Variants in YJU2 observed in about 807,000 individuals in gnomAD.
YJU2 encodes the protein YJU2 splicing factor homolog.
YJU2 carries 28 observed loss-of-function variants against 39.6 expected under a neutral mutation model. That is an observed-to-expected ratio of 0.71 (90% CI 0.52 to 0.97). The LOEUF (loss-of-function observed/expected upper bound fraction) is 0.97, where lower values mean the gene tolerates loss of function less well. Among genes scored for constraint, YJU2 ranks in the 50% least tolerant of loss-of-function variants. The pLI, the probability that YJU2 is intolerant of heterozygous loss-of-function variation, is 0.00. For synonymous variants in YJU2, 184 were observed against 182.4 expected (o/e 1.01, Z -0.07); for missense variants, 328 against 430.4 (o/e 0.76, Z 2.11).
intron 2 of YJU2, 21 bp downstream of exon 2, chr19:4,249,349 C>A: frequency 1.3e-6 from 2 of 1,516,222 alleles, no homozygotes; most frequent in Non-Finnish European, 1.8e-6. Flanking sequence ...CCTGCGTGAC[C>A]CCACACACCA....
rs188153196 is a variant in YJU2, at chr19:4,256,349, A to T, written c.405+1860A>T. 2.9e-3 allele frequency among the ~76,000 whole-genome samples: 447 copies of T among 151,776 alleles called. 1 individual carries two copies. Among genetic ancestry groups the T allele is most frequent in the Non-Finnish European group, 4.7e-3 (321 of 67,962 alleles). On this transcript the variant is annotated intron_variant, in intron 4 of 7. Transcript: ENST00000262962. ...TCCTGGACCCACCCACCCCTGCCAAATGTGAGTTTTCTGAGCAAGCCACAT... is the reference window on the plus strand; with the variant it reads ...TCCTGGACCCACCCACCCCTGCCAATTGTGAGTTTTCTGAGCAAGCCACAT...
rs58339658 is a variant in YJU2 at position 4,253,198 on chromosome 19, T to TACACACACAC, written c.271-1127_271-1118dup. Among the ~76,000 whole-genome samples the TACACACACAC allele has an allele frequency of 6.3e-3, 871 of 139,140 alleles. 10 individuals carry two copies. Among genetic ancestry groups the TACACACACAC allele is most frequent in the African/African-American group, 0.022 (809 of 36,764 alleles). 91.3% of individuals were successfully genotyped at this position (139,140 alleles called of 152,430 possible). On this transcript the variant is annotated intron_variant, in intron 3 of 7. Transcript: ENST00000262962. ...AACATAGTGAGACCCTGTCCGTGTC[T>TACACACACAC]ACACACACACACACACACACACACA...
chr19:4,264,346 T>C (rs1007136103), intron 6 of YJU2, among the ~76,000 whole-genome samples: 8 of 151,336 alleles, frequency 5.3e-5, no homozygotes, highest in African/African-American at 1.7e-4. Flanking sequence ...CTTACTCTGT[T>C]GCCCAGGCTG....
intron 6 of YJU2, 111 bp from the exon 7 acceptor site, chr19:4,267,513 A>T: frequency 9.0e-7 from 1 of 1,116,110 alleles, no homozygotes. Flanking sequence ...GAATGTGGTC[A>T]GTGCAGCAGT....
At chr19:4,252,957 A>G (rs546007641) in intron 3 of YJU2, among the ~76,000 whole-genome samples, 1 of 151,960 alleles carries the variant, frequency 6.6e-6, no homozygotes, top group East Asian at 1.9e-4. Flanking sequence ...TTTTTGAAAT[A>G]CCTGAAGATT....
chr19:4,266,213 G>T (rs566776474), intron 6 of YJU2, among the ~76,000 whole-genome samples: 1 of 152,120 alleles, frequency 6.6e-6, no homozygotes, highest in Non-Finnish European at 1.5e-5. Flanking sequence ...GCCTCCCAAA[G>T]TGCCGGGATT....
chr19:4,266,071 A>C (rs1190779900), intron 6 of YJU2, among the ~76,000 whole-genome samples: 6 of 150,570 alleles, frequency 4.0e-5, no homozygotes, highest in African/African-American at 1.5e-4. Flanking sequence ...CTCCTGCCTC[A>C]GTCTCCCGAG....
intron 5 of YJU2, among the ~76,000 whole-genome samples, 184 bp from the exon 6 acceptor site, chr19:4,261,810 A>T (rs1488018145): frequency 6.6e-6 from 1 of 151,908 alleles, no homozygotes; most frequent in Non-Finnish European, 1.5e-5. Context: ...CCTGAGTGAC[A>T]GAGTGAGACC....
At chr19:4,262,324 G>A (rs1355939795) in intron 6 of YJU2, among the ~76,000 whole-genome samples, 4 of 152,070 alleles carry the variant, frequency 2.6e-5, no homozygotes, top group African/African-American at 4.8e-5. Context: ...TCAGCCTCCC[G>A]AGTAGCTGGG....
chr19:4,255,586 G>A (rs1031774335), intron 4 of YJU2, among the ~76,000 whole-genome samples: 59 of 151,334 alleles, frequency 3.9e-4, no homozygotes, highest in African/African-American at 8.7e-4. Flanking sequence ...AAAATTAGCC[G>A]GGCATGGTGG....
chr19:4,264,382 A>T (rs924014793), intron 6 of YJU2, among the ~76,000 whole-genome samples: 1 of 149,694 alleles, frequency 6.7e-6, no homozygotes, highest in Admixed American at 6.7e-5. Context: ...GTCCCAGCTC[A>T]CTGCAGCCTG....
At chr19:4,249,131 G>A in intron 1 of YJU2, 97 bp from the exon 2 acceptor site, 1 of 791,430 alleles carries the variant, frequency 1.3e-6, no homozygotes, top group Non-Finnish European at 2.1e-6. Flanking sequence ...GTGGGCTTGG[G>A]GACCCCCGAC....
intron 3 of YJU2, among the ~76,000 whole-genome samples, chr19:4,251,470 C>A (rs10411920): frequency 0.032 from 4,900 of 152,166 alleles, 273 homozygotes; most frequent in African/African-American, 0.11. Context: ...GGGCAGATCA[C>A]CTGAGGTCAG....
At position 4,268,986 on chromosome 19, in the gene YJU2, A is replaced by G; in HGVS notation, c.*290A>G. 1 of 402,744 alleles carries G rather than the reference A, an allele frequency of 2.5e-6. No homozygotes were observed. The highest frequency in any genetic ancestry group is 4.6e-6 in the Non-Finnish European group (1 of 218,274). The allele number at this position is 402,744 out of a possible 1,614,324, so 24.9% of individuals were successfully genotyped here. A position where few individuals can be genotyped will look rare whatever the true frequency, so the allele number is the denominator to read the frequency against. On this transcript the variant is annotated 3_prime_UTR_variant, in exon 8 of 8. Coordinates refer to ENST00000262962, the MANE Select transcript of YJU2 (RefSeq NM_018074.6). ...CTGGAGCAGCTTCCAACACTACTTCAGGGTGGCAGTGTTTGGGGCACTGGG... is the reference window on the plus strand; with the variant it reads ...CTGGAGCAGCTTCCAACACTACTTCGGGGTGGCAGTGTTTGGGGCACTGGG...
chr19:4,264,526 G>A (rs1247381170), intron 6 of YJU2, among the ~76,000 whole-genome samples: 1 of 148,244 alleles, frequency 6.7e-6, no homozygotes, highest in Admixed American at 6.8e-5. Flanking sequence ...CACTCTTGTT[G>A]CCCAGGCTGG....
chr19:4,257,854 C>T (rs540486763), intron 4 of YJU2, among the ~76,000 whole-genome samples: 7 of 152,278 alleles, frequency 4.6e-5, no homozygotes, highest in South Asian at 2.1e-4. Flanking sequence ...CCGCCCGCTC[C>T]GGCCTCCCAA....
chr19:4,251,918 G>T (rs1315667126), intron 3 of YJU2, among the ~76,000 whole-genome samples: 1 of 151,744 alleles, frequency 6.6e-6, no homozygotes, highest in African/African-American at 2.4e-5. Flanking sequence ...ACCCGAGAGG[G>T]AGAGGTTGCA....
intron 6 of YJU2, among the ~76,000 whole-genome samples, chr19:4,264,821 T>G (rs940602620): frequency 3.9e-5 from 6 of 152,210 alleles, no homozygotes; most frequent in Non-Finnish European, 5.9e-5. Context: ...AGAGATGCGG[T>G]CTTGCTGTGT....
rs1253653692 is a variant in YJU2, at chr19:4,261,984, C to T, written c.588-10C>T. 1 of 1,612,308 alleles carries T rather than the reference C, an allele frequency of 6.2e-7. No homozygotes were observed. On this transcript the variant is annotated splice_polypyrimidine_tract_variant and intron_variant, in intron 5 of 7. Coordinates refer to ENST00000262962, the MANE Select transcript of YJU2 (RefSeq NM_018074.6). ...AGAGCACGTCCAAGTTCCCATCTTC[C>T]ATCCCACAGGGCCCTGTTGGAGGAA...
Sources: gnomAD v4.1 joint callset for allele counts (sites outside exome capture counted in the v4.1 genomes callset) on GRCh38, gnomAD v4.1.1 for gene constraint, MANE v1.5 for transcripts, NCBI Gene and HGNC (gene_info 2026-07-23, HGNC 2026-07-21) for gene names.